CTPS2: variants seen among roughly 807,000 people sequenced by gnomAD.
CTPS2 encodes the protein CTP synthase 2.
In CTPS2, 19 loss-of-function variants were observed where a neutral mutation model predicts 46.8. The ratio of observed to expected loss-of-function variants is 0.41; its 90% CI spans 0.28 to 0.60. The LOEUF (loss-of-function observed/expected upper bound fraction) is 0.60. Among genes scored for constraint, CTPS2 ranks in the 20% least tolerant of loss-of-function variants. CTPS2 has a pLI of 0.35. For missense variants in CTPS2, 286 were observed against 447.6 expected (o/e 0.64, Z 3.26); for synonymous variants, 151 against 165.2 (o/e 0.91, Z 0.66).
chrX:16,648,634 T>C, intron 13 of CTPS2, among the ~76,000 whole-genome samples: 1 of 112,385 alleles, frequency 8.9e-6, no homozygotes, highest in South Asian at 3.7e-4. Flanking sequence ...TTGTGTAAAA[T>C]CTTATAACTA....
intron 17 of CTPS2, among the ~76,000 whole-genome samples, chrX:16,600,719 T>C (rs1929604661): frequency 8.9e-6 from 1 of 112,153 alleles, no homozygotes; most frequent in Non-Finnish European, 1.9e-5. Flanking sequence ...TTAACAATAA[T>C]TTACCCTAAA....
At chrX:16,604,313 C>A (rs780097887) in intron 17 of CTPS2, among the ~76,000 whole-genome samples, 5 of 112,328 alleles carry the variant, frequency 4.5e-5, no homozygotes, top group African/African-American at 6.5e-5. Context: ...GAACTGCAAA[C>A]TGAACCCCAT....
intron 14 of CTPS2, among the ~76,000 whole-genome samples, chrX:16,638,170 A>G (rs1442488777): frequency 9.2e-6 from 1 of 108,308 alleles, no homozygotes. Context: ...CAGGAGAATG[A>G]CGTCAACCCA....
intron 14 of CTPS2, among the ~76,000 whole-genome samples, chrX:16,632,835 ACT>A (rs1249782502): frequency 9.1e-6 from 1 of 110,177 alleles, no homozygotes; most frequent in Non-Finnish European, 1.9e-5. Context: ...CCTGGTTCTG[ACT>A]CTCCCAACTG....
At chrX:16,638,985 A>C (rs772035747) in intron 14 of CTPS2, 162 bp downstream of exon 14, 2 of 552,256 alleles carry the variant, frequency 3.6e-6, no homozygotes, top group Non-Finnish European at 3.3e-6. Flanking sequence ...TGCCCAGAGC[A>C]GAGGGTCAGT....
intron 13 of CTPS2, among the ~76,000 whole-genome samples, chrX:16,660,364 A>ACAC (rs1451277672): frequency 9.1e-6 from 1 of 109,587 alleles, no homozygotes; most frequent in African/African-American, 3.3e-5. Context: ...CTACAGGTAC[A>ACAC]CACCACCACA....
intron 13 of CTPS2, among the ~76,000 whole-genome samples, chrX:16,646,102 C>T (rs1351071088): frequency 8.9e-6 from 1 of 112,990 alleles, no homozygotes; most frequent in African/African-American, 3.2e-5. Context: ...CTTTCTTACA[C>T]CTCAGAAAAA....
chrX:16,637,382 C>T (rs751425189), intron 14 of CTPS2, among the ~76,000 whole-genome samples: 28 of 111,502 alleles, frequency 2.5e-4, no homozygotes, highest in Non-Finnish European at 4.9e-4. Flanking sequence ...CCATGCCAGG[C>T]TAATTTTTGT....
chrX:16,640,776 T>C (rs1261073488), intron 13 of CTPS2, among the ~76,000 whole-genome samples: 1 of 111,787 alleles, frequency 8.9e-6, no homozygotes, highest in African/African-American at 3.3e-5. Flanking sequence ...TCATTTGTTG[T>C]TGTTGTTTTT....
At chrX:16,632,670 C>T (rs987371158) in intron 14 of CTPS2, among the ~76,000 whole-genome samples, 2 of 111,524 alleles carry the variant, frequency 1.8e-5, no homozygotes, top group African/African-American at 3.3e-5. Context: ...GTGATCTGGC[C>T]GCCTTGGCCT....
chrX:16,604,642 CAAA>C (rs1391412669), intron 17 of CTPS2, among the ~76,000 whole-genome samples: 1 of 56,713 alleles, frequency 1.8e-5, no homozygotes, highest in Non-Finnish European at 3.7e-5. Flanking sequence ...GCCTGAGAAA[CAAA>C]AAAAAAAAAA....
intron 4 of CTPS2, among the ~76,000 whole-genome samples, chrX:16,696,890 A>AT (rs1396587786): frequency 1.2e-4 from 8 of 64,252 alleles, no homozygotes; most frequent in Non-Finnish European, 1.5e-4. Flanking sequence ...ATTGCATTTA[A>AT]TCCCCAATCC....
chrX:16,654,393 T>A (rs376879718), intron 13 of CTPS2: 1 of 1,105,464 alleles, frequency 9.0e-7, no homozygotes, highest in Non-Finnish European at 1.2e-6. Context: ...CATCCTTTTT[T>A]ATGTAAAACA....
intron 1 of CTPS2, among the ~76,000 whole-genome samples, chrX:16,703,404 C>T (rs890972967): frequency 7.3e-5 from 8 of 109,943 alleles, no homozygotes; most frequent in African/African-American, 2.6e-4. Flanking sequence ...GTTCATAGCT[C>T]ACTGCAACCT....
At chrX:16,596,844 C>T (rs1929308898) in intron 17 of CTPS2, among the ~76,000 whole-genome samples, 1 of 106,407 alleles carries the variant, frequency 9.4e-6, no homozygotes, top group Non-Finnish European at 1.9e-5. Context: ...TCCACATCCT[C>T]TCCAGCACCT....
At chrX:16,686,504 G>A (rs1217641585) in intron 8 of CTPS2, among the ~76,000 whole-genome samples, 2 of 112,019 alleles carry the variant, frequency 1.8e-5, no homozygotes, top group East Asian at 5.6e-4. Context: ...CTCTCCAGCT[G>A]AGATCATCCT....
Position 16,601,751 on chromosome X carries a change from C to T in CTPS2, c.1691+7790G>A, listed in dbSNP as rs141920877. On this transcript the variant is annotated intron_variant, in intron 17 of 18. Coordinates refer to ENST00000359276, the MANE Select transcript of CTPS2 (RefSeq NM_175859.3). ...ATAATAGCATCATCATAATAATTCC[C>T]ATTTAAGTTCCTACCATAGACCAGG... Among the ~76,000 whole-genome samples, 137 of 111,757 alleles carry T rather than the reference C, an allele frequency of 1.2e-3. 2 individuals carry two copies. The East Asian group carries it at 0.017, about 14-fold the overall frequency.
intron 13 of CTPS2, among the ~76,000 whole-genome samples, chrX:16,660,845 T>C (rs1475121696): frequency 9.0e-6 from 1 of 110,938 alleles, no homozygotes; most frequent in Non-Finnish European, 1.9e-5. Flanking sequence ...AAAAGTTACC[T>C]CAGCCAACAG....
chrX:16,674,660 A>C lies in CTPS2; in HGVS notation c.1094+3702T>G, dbSNP rs768668653. Among the ~76,000 whole-genome samples the C allele has an allele frequency of 4.9e-5, 5 of 101,298 alleles. No individual in the cohort carries two copies. The South Asian group carries it at 2.0e-3, about 40-fold the overall frequency. 88.0% of individuals were successfully genotyped at this position (101,298 alleles called of 115,157 possible). On this transcript the variant is annotated intron_variant, in intron 10 of 18. Transcript: ENST00000359276. ...GAGACCATCCTGGCTAACACGGTGA[A>C]ACCCCGTCTCTACTAAAAATACAAA...
Sources: allele counts gnomAD v4.1 joint callset (sites outside exome capture counted in the v4.1 genomes callset), GRCh38; gene constraint gnomAD v4.1.1; transcripts MANE v1.5; gene names NCBI Gene and HGNC (gene_info 2026-07-23, HGNC 2026-07-21).